The following ARHGAP15 variants were observed in gnomAD, a reference collection of about 807,000 sequenced individuals.
The protein encoded by ARHGAP15 is Rho GTPase activating protein 15.
In ARHGAP15, 51 loss-of-function variants were observed where a neutral mutation model predicts 63.7. The observed-to-expected ratio is 0.80, with a 90% CI of 0.64 to 1.01. The LOEUF is 1.01. Among genes scored for constraint, ARHGAP15 ranks in the 50% least tolerant of loss-of-function variants. The pLI, the probability that ARHGAP15 is intolerant of heterozygous loss-of-function variation, is 0.00. For synonymous variants in ARHGAP15, 191 were observed against 193.8 expected, an observed-to-expected ratio of 0.99 and a Z score of 0.12; for missense variants, 560 against 564.6, an observed-to-expected ratio of 0.99 and a Z score of 0.08.
At chr2:143,681,665 C>T (rs1476859386) in intron 12 of ARHGAP15, among the ~76,000 whole-genome samples, 6 of 152,060 alleles carry the variant, frequency 3.9e-5, no homozygotes, top group Admixed American at 2.6e-4. Flanking sequence ...TTTATCCAAC[C>T]GTATGTTCCT....
chr2:143,389,128 ATTATTAT>A (rs910851038), intron 6 of ARHGAP15, among the ~76,000 whole-genome samples: 34 of 148,530 alleles, frequency 2.3e-4, no homozygotes, highest in African/African-American at 8.1e-4. Flanking sequence ...TATTATTATT[ATTATTAT>A]TTTTTATTAT....
At chr2:143,684,048 A>G (rs1683219708) in intron 12 of ARHGAP15, among the ~76,000 whole-genome samples, 1 of 149,302 alleles carries the variant, frequency 6.7e-6, no homozygotes, top group Admixed American at 6.7e-5. Context: ...TAGCCTCAAT[A>G]ATCTGTACAC....
At chr2:143,637,734 C>CAAA (rs145042540) in intron 12 of ARHGAP15, among the ~76,000 whole-genome samples, 2 of 138,422 alleles carry the variant, frequency 1.4e-5, no homozygotes, top group Non-Finnish European at 3.1e-5. Flanking sequence ...AATATTGTGC[C>CAAA]AAAAAAAAAA....
intron 13 of ARHGAP15, among the ~76,000 whole-genome samples, chr2:143,710,858 G>A (rs780864188): frequency 5.9e-5 from 9 of 152,182 alleles, no homozygotes; most frequent in Non-Finnish European, 1.0e-4. Flanking sequence ...TTCAAAGTCT[G>A]TAACCGTCCC....
intron 10 of ARHGAP15, among the ~76,000 whole-genome samples, chr2:143,529,096 T>A (rs1292370733): frequency 6.6e-6 from 1 of 152,088 alleles, no homozygotes; most frequent in Non-Finnish European, 1.5e-5. Flanking sequence ...CCTTCTTGAA[T>A]TTCCCTCTGT....
At chr2:143,706,594 G>A (rs1684338509) in intron 13 of ARHGAP15, 1 of 152,110 alleles carries the variant, frequency 6.6e-6, no homozygotes, top group Admixed American at 6.6e-5. Context: ...GAAGGTAAAT[G>A]CAAATCCTAT....
chr2:143,749,042 A>G (rs1686273475), intron 13 of ARHGAP15, among the ~76,000 whole-genome samples: 1 of 152,146 alleles, frequency 6.6e-6, no homozygotes, highest in South Asian at 2.1e-4. Flanking sequence ...TACTCAACTC[A>G]GGTCAATTCA....
At chr2:143,525,262 C>G (rs1420809457) in intron 10 of ARHGAP15, among the ~76,000 whole-genome samples, 3 of 151,516 alleles carry the variant, frequency 2.0e-5, no homozygotes, top group African/African-American at 7.3e-5. Context: ...ATGATTCTAT[C>G]TTGTTCCAGA....
intron 10 of ARHGAP15, among the ~76,000 whole-genome samples, chr2:143,529,607 A>T (rs1489291646): frequency 3.3e-5 from 5 of 152,188 alleles, no homozygotes; most frequent in African/African-American, 7.2e-5. Flanking sequence ...TCATATCCTT[A>T]TAAGCTGCTT....
chr2:143,470,677 G>GTATATATATATGTA (rs1558993121), intron 8 of ARHGAP15, among the ~76,000 whole-genome samples: 2 of 142,166 alleles, frequency 1.4e-5, no homozygotes, highest in Admixed American at 1.5e-4. Context: ...ATATGTGTGT[G>GTATATATATATGTA]TATATATATA....
At chr2:143,736,391 T>C (rs536332226) in intron 13 of ARHGAP15, among the ~76,000 whole-genome samples, 183 of 148,190 alleles carry the variant, frequency 1.2e-3, no homozygotes, top group Non-Finnish European at 1.4e-3. Flanking sequence ...AGCGAAACTC[T>C]GTCAAAAAAA....
chr2:143,430,179 T>TC (rs1232072230), intron 6 of ARHGAP15, among the ~76,000 whole-genome samples: 2 of 127,342 alleles, frequency 1.6e-5, no homozygotes, highest in African/African-American at 5.5e-5. Flanking sequence ...CAAAGTAACT[T>TC]TTTTTTTTTT....
At chr2:143,301,921 T>C (rs1313909098) in intron 6 of ARHGAP15, among the ~76,000 whole-genome samples, 5 of 151,840 alleles carry the variant, frequency 3.3e-5, no homozygotes, top group African/African-American at 1.2e-4. Context: ...CAATGCTCTT[T>C]AAGGATTTTA....
chr2:143,317,453 G>T (rs1396478013), intron 6 of ARHGAP15, among the ~76,000 whole-genome samples: 1 of 152,204 alleles, frequency 6.6e-6, no homozygotes, highest in Non-Finnish European at 1.5e-5. Flanking sequence ...TTCTTTGGGA[G>T]TTGAAGGATG....
intron 6 of ARHGAP15, among the ~76,000 whole-genome samples, chr2:143,330,434 A>AAT (rs1684498257): frequency 1.3e-5 from 2 of 152,108 alleles, no homozygotes; most frequent in Non-Finnish European, 2.9e-5. Context: ...AATACATAAA[A>AAT]TACCCATAGT....
intron 6 of ARHGAP15, among the ~76,000 whole-genome samples, chr2:143,384,409 A>G (rs1367779749): frequency 6.6e-6 from 1 of 152,002 alleles, no homozygotes; most frequent in Non-Finnish European, 1.5e-5. Flanking sequence ...AGGTTTTCAT[A>G]CCTTCTTTTA....
At chr2:143,596,773 C>T (rs1697533540) in intron 11 of ARHGAP15, among the ~76,000 whole-genome samples, 1 of 152,026 alleles carries the variant, frequency 6.6e-6, no homozygotes, top group South Asian at 2.1e-4. Flanking sequence ...ATGATTCATA[C>T]ATACTTGAGA....
intron 6 of ARHGAP15, among the ~76,000 whole-genome samples, chr2:143,422,244 C>G (rs1688955315): frequency 6.6e-6 from 1 of 152,054 alleles, no homozygotes; most frequent in Non-Finnish European, 1.5e-5. Context: ...GTCCTACTCC[C>G]CAGGATACTA....
At chr2:143,198,655 G>T (rs1245423158) in intron 2 of ARHGAP15, among the ~76,000 whole-genome samples, 1 of 152,002 alleles carries the variant, frequency 6.6e-6, no homozygotes, top group African/African-American at 2.4e-5. Context: ...TTAAATAAAA[G>T]CTTTCTATAG....
Sources: allele counts gnomAD v4.1 joint callset (sites outside exome capture counted in the v4.1 genomes callset), GRCh38; gene constraint gnomAD v4.1.1; transcripts MANE v1.5; gene names NCBI Gene and HGNC (gene_info 2026-07-23, HGNC 2026-07-21).